The following ATP6V1A variants were observed in gnomAD, a reference collection of about 807,000 sequenced individuals.
The protein encoded by ATP6V1A is ATPase H+ transporting V1 subunit A.
A neutral mutation model predicts 70.1 loss-of-function variants in ATP6V1A; 18 were observed. The observed-to-expected ratio is 0.26, with a 90% CI of 0.18 to 0.38. ATP6V1A has a LOEUF of 0.38. Ranked by LOEUF, ATP6V1A falls within the 10% of genes least tolerant of loss-of-function variation. The pLI is 1.00. For missense variants in ATP6V1A, 424 were observed against 772.4 expected, an observed-to-expected ratio of 0.55 and a Z score of 5.35; for synonymous variants, 232 against 253.8, an observed-to-expected ratio of 0.91 and a Z score of 0.82.
intron 3 of ATP6V1A, 107 bp downstream of exon 3, chr3:113,781,285 G>A: frequency 7.9e-7 from 1 of 1,269,644 alleles, no homozygotes; most frequent in Admixed American, 2.7e-5. Context: ...TTGGGAGGCA[G>A]GCAGGTGGAT....
chr3:113,749,399 A>G (rs995590831), intron 1 of ATP6V1A, among the ~76,000 whole-genome samples: 1 of 152,142 alleles, frequency 6.6e-6, no homozygotes, highest in African/African-American at 2.4e-5. Context: ...GAATTGTGCT[A>G]TAGTCCACTA....
chr3:113,805,659 C>T, intron 14 of ATP6V1A, 134 bp downstream of exon 14: 1 of 886,840 alleles, frequency 1.1e-6, no homozygotes, highest in Non-Finnish European at 1.7e-6. Context: ...ACCTCTGCCT[C>T]CTGGGTTCAA....
intron 8 of ATP6V1A, among the ~76,000 whole-genome samples, chr3:113,791,780 T>C (rs942171635): frequency 1.3e-5 from 2 of 150,002 alleles, no homozygotes; most frequent in African/African-American, 4.9e-5. Flanking sequence ...CATCCCTATC[T>C]TCCTGCTTCT....
rs1709039201 is a variant in ATP6V1A, at chr3:113,786,280, A to G, written c.613A>G (p.Met205Val). 6 of 1,611,928 alleles carry G rather than the reference A, an allele frequency of 3.7e-6. No individual in the cohort carries two copies. The highest frequency in any genetic ancestry group is 5.1e-6 in the Non-Finnish European group (6 of 1,178,624). ...TGAAGGTGTAAAGGAGAAGTTCACC[A>G]TGGTGCAAGTATGGCCTGTACGTCA... ...EFEGVKEKFT[M>V]VQVWPVRQVR... is the part of the protein sequence containing the mutation. Residue 205 changes from methionine to valine, a missense_variant, in exon 6 of 15, where the codon ATG becomes GTG. By Grantham distance (21) the Met-to-Val change is conservative. This residue lies in a region of ATP6V1A where 139 missense variants were observed against 163.5 expected (regional missense o/e 0.85). Coordinates refer to ENST00000273398, the MANE Select transcript of ATP6V1A (RefSeq NM_001690.4).
At chr3:113,809,265 A>G in intron 14 of ATP6V1A, 70 bp from the exon 15 acceptor site, 1 of 1,422,574 alleles carries the variant, frequency 7.0e-7, no homozygotes, top group South Asian at 1.2e-5. Flanking sequence ...CAAAAAAAAA[A>G]AAGTAACTTA....
At chr3:113,797,875 C>T (rs1028293009) in intron 11 of ATP6V1A, among the ~76,000 whole-genome samples, 2 of 152,124 alleles carry the variant, frequency 1.3e-5, no homozygotes, top group African/African-American at 4.8e-5. Context: ...CATGGTGGCT[C>T]ATGCCTGTAA....
intron 1 of ATP6V1A, among the ~76,000 whole-genome samples, chr3:113,773,689 C>T (rs897768121): frequency 3.3e-5 from 5 of 152,170 alleles, no homozygotes; most frequent in Non-Finnish European, 7.3e-5. Context: ...CCGTCCTGAA[C>T]CACAGGTTTC....
chr3:113,803,907 G>C (rs1362762411), intron 13 of ATP6V1A, among the ~76,000 whole-genome samples: 1 of 152,120 alleles, frequency 6.6e-6, no homozygotes, highest in African/African-American at 2.4e-5. Flanking sequence ...TCTATAATTA[G>C]ATTTAATTGT....
At chr3:113,786,965 A>T (rs1218169197) in intron 6 of ATP6V1A, among the ~76,000 whole-genome samples, 1 of 152,104 alleles carries the variant, frequency 6.6e-6, no homozygotes, top group Non-Finnish European at 1.5e-5. Flanking sequence ...TTTTTGGTAG[A>T]GACCGGGTTT....
At chr3:113,795,331 G>T (rs1709142605) in intron 10 of ATP6V1A, 127 bp downstream of exon 10, 1 of 1,021,478 alleles carries the variant, frequency 9.8e-7, no homozygotes, top group Admixed American at 2.9e-5. Flanking sequence ...TCTTAAGGAG[G>T]GTTGCACTCC....
In ATP6V1A at chr3:113,788,920, A is replaced by C. The variant is rs768267678; in HGVS notation, c.879+45A>C. 1.1e-5 allele frequency: 17 copies of C among 1,533,054 alleles called. No individual in the cohort carries two copies. The South Asian group carries it at 1.8e-4, about 17-fold the overall frequency. The allele number at this position is 1,533,054 out of a possible 1,614,324, so 95.0% of individuals were successfully genotyped here. On this transcript the variant is annotated intron_variant, in intron 7 of 14. Coordinates refer to ENST00000273398, the MANE Select transcript of ATP6V1A (RefSeq NM_001690.4). ...TAATATCCTAGAGAAAATACCACTC[A>C]TCAGTGTTCATTGACAATTAATAAA... is the stretch of plus-strand genomic sequence containing the variant.
chr3:113,773,157 C>G (rs1344954109), intron 1 of ATP6V1A, among the ~76,000 whole-genome samples: 1 of 151,838 alleles, frequency 6.6e-6, no homozygotes, highest in Non-Finnish European at 1.5e-5. Flanking sequence ...TCAGGCTGGT[C>G]TCAAACTCCT....
In ATP6V1A at chr3:113,764,278, T is replaced by C. The variant is rs78220961; in HGVS notation, c.-13-14463T>C. Reference sequence around the variant, plus strand: ...TATATTAGCAAAATGTTAATAACAGTCCCAAATAGGAAGCAGTCTTGGTAC... The same window carrying C: ...TATATTAGCAAAATGTTAATAACAGCCCCAAATAGGAAGCAGTCTTGGTAC... On this transcript the variant is annotated intron_variant, in intron 1 of 14. Coordinates refer to ENST00000273398, the MANE Select transcript of ATP6V1A (RefSeq NM_001690.4). Among the ~76,000 whole-genome samples, 660 of 152,112 alleles carry C rather than the reference T, an allele frequency of 4.3e-3. 5 individuals are homozygous for C. Among genetic ancestry groups the C allele is most frequent in the African/African-American group, 0.014 (580 of 41,504 alleles).
chr3:113,777,062 T>C (rs1708922387), intron 1 of ATP6V1A, among the ~76,000 whole-genome samples: 1 of 152,240 alleles, frequency 6.6e-6, no homozygotes, highest in Non-Finnish European at 1.5e-5. Flanking sequence ...TTGGACATTA[T>C]TTAGCTTTTC....
chr3:113,750,312 T>C (rs1708571763), intron 1 of ATP6V1A, among the ~76,000 whole-genome samples: 1 of 152,074 alleles, frequency 6.6e-6, no homozygotes, highest in Non-Finnish European at 1.5e-5. Flanking sequence ...ACCCTGTCTT[T>C]ACTTAAAAAA....
rs1183789398 is a variant in ATP6V1A at position 113,774,979 on chromosome 3, A to G, written c.-13-3762A>G. 2.0e-5 allele frequency among the ~76,000 whole-genome samples: 3 copies of G among 152,102 alleles called. No homozygotes were observed. The East Asian group carries it at 5.8e-4, about 29-fold the overall frequency. ...AAAAGGGTAGTCTCAGGAGTGAGGGATCTGAAAAGATTATACTTTGAGGGA... is the reference window on the plus strand; with the variant it reads ...AAAAGGGTAGTCTCAGGAGTGAGGGGTCTGAAAAGATTATACTTTGAGGGA... On this transcript the variant is annotated intron_variant, in intron 1 of 14. Coordinates refer to ENST00000273398, the MANE Select transcript of ATP6V1A (RefSeq NM_001690.4).
intron 1 of ATP6V1A, among the ~76,000 whole-genome samples, chr3:113,767,691 G>A (rs12495713): frequency 0.011 from 1,611 of 151,776 alleles, 31 homozygotes; most frequent in Admixed American, 0.036. Context: ...TTGCTCTGTC[G>A]CCCAGGCTGG....
intron 13 of ATP6V1A, among the ~76,000 whole-genome samples, chr3:113,804,767 G>A (rs914103472): frequency 1.3e-5 from 2 of 152,210 alleles, no homozygotes; most frequent in Non-Finnish European, 2.9e-5. Flanking sequence ...GTATGCAAAG[G>A]TGTTTAAACA....
At chr3:113,778,694 C>A in intron 1 of ATP6V1A, 47 bp from the exon 2 acceptor site, 2 of 1,231,480 alleles carry the variant, frequency 1.6e-6, no homozygotes, top group Non-Finnish European at 2.2e-6. Flanking sequence ...GGGTCTTTTG[C>A]TTTACGGTTT....
Sources: gnomAD v4.1 joint callset for allele counts (sites outside exome capture counted in the v4.1 genomes callset) on GRCh38, gnomAD v4.1.1 for gene constraint, gnomAD v4.1.1 regional missense constraint, MANE v1.5 for transcripts, NCBI Gene and HGNC (gene_info 2026-07-23, HGNC 2026-07-21) for gene names.